Variants in RCAN1 observed in about 807,000 individuals in gnomAD.
RCAN1 encodes regulator of calcineurin 1.
A neutral mutation model predicts 22.9 loss-of-function variants in RCAN1; 11 were observed. The observed-to-expected ratio is 0.48, with a 90% CI of 0.30 to 0.79. The LOEUF (loss-of-function observed/expected upper bound fraction) is 0.79, where lower values mean the gene tolerates loss of function less well. RCAN1 is among the 30% of genes least tolerant of loss of function. The pLI is 0.06. For synonymous variants in RCAN1, 136 were observed against 142.3 expected (o/e 0.96, Z 0.32); for missense variants, 291 against 337.8 (o/e 0.86, Z 1.09).
In RCAN1 at chr21:34,614,823, G is replaced by T. The variant is rs1211426772; in HGVS notation, c.189C>A (p.Asp63Glu). ...GACAGGCGATGGTGGCGCTGGGCAG[G>T]TCCTGCAGGTCCACCTCCTCCATCT... ...DCEMEEVDLQ[D>E]LPSATIACHL... Residue 63 changes from aspartate (D) to glutamate (E), a missense_variant, in exon 1 of 4, where the codon GAC (aspartate) becomes GAA (glutamate). Transcript: ENST00000313806. The surrounding 1 kb of genome is among the most constrained non-coding windows in gnomAD (Gnocchi z 6.0). The T allele has an allele frequency of 2.7e-6, 4 of 1,491,070 alleles. No homozygotes were observed. In the South Asian group the frequency reaches 4.9e-5, roughly 18 times the overall value. 92.4% of individuals were successfully genotyped at this position (1,491,070 alleles called of 1,614,324 possible).
chr21:34,528,371 T>TAGGAAA (rs1985192184), intron 1 of RCAN1, among the ~76,000 whole-genome samples: 1 of 152,224 alleles, frequency 6.6e-6, no homozygotes, highest in Non-Finnish European at 1.5e-5. Context: ...AAGAAACCAG[T>TAGGAAA]TATGGTGTTT....
intron 1 of RCAN1, among the ~76,000 whole-genome samples, chr21:34,530,664 G>A (rs979132415): frequency 1.0e-3 from 114 of 109,458 alleles, no homozygotes; most frequent in African/African-American, 3.7e-3. Context: ...TGCTCTTGTC[G>A]CCCAGGCCGG....
chr21:34,521,054 A>C, intron 3 of RCAN1: 1 of 1,188,052 alleles, frequency 8.4e-7, no homozygotes, highest in Non-Finnish European at 1.0e-6. Context: ...TTTTCCTTTA[A>C]GAAGGCCAGG....
At chr21:34,577,145 C>A (rs1376594454) in intron 1 of RCAN1, among the ~76,000 whole-genome samples, 1 of 152,160 alleles carries the variant, frequency 6.6e-6, no homozygotes, top group Non-Finnish European at 1.5e-5. Context: ...CACTAATGAG[C>A]TGAGTGAGGG....
At chr21:34,530,685 C>A (rs986080462) in intron 1 of RCAN1, among the ~76,000 whole-genome samples, 71 of 131,532 alleles carry the variant, frequency 5.4e-4, no homozygotes, top group African/African-American at 1.8e-3. Context: ...AGTGCAATGG[C>A]GTGATCTTGG....
At chr21:34,552,500 C>T (rs1251289612) in intron 1 of RCAN1, among the ~76,000 whole-genome samples, 1 of 152,138 alleles carries the variant, frequency 6.6e-6, no homozygotes, top group Admixed American at 6.5e-5. Flanking sequence ...AAACGGCAAA[C>T]AGGGCAGAGA....
intron 1 of RCAN1, chr21:34,559,627 T>C (rs993600361): frequency 1.3e-5 from 2 of 152,172 alleles, no homozygotes; most frequent in African/African-American, 4.8e-5. Flanking sequence ...TTCCAGTTTA[T>C]TATGCAGGTT....
rs897989513 is a variant in RCAN1, at chr21:34,521,663, G to A, written c.427-5C>T. 6.9e-6 allele frequency: 11 copies of A among 1,605,110 alleles called. No individual in the cohort carries two copies. The highest frequency in any genetic ancestry group is 5.1e-6 in the Non-Finnish European group (6 of 1,175,660). On this transcript the variant is annotated splice_polypyrimidine_tract_variant and splice_region_variant and intron_variant, in intron 2 of 3. Coordinates refer to ENST00000313806, the MANE Select transcript of RCAN1 (RefSeq NM_004414.7). ...TGAGCTTCCTATGTGTAAGGTCTGA[G>A]GAGAGAAAATAAGCACAGGTCAGTT...
intron 1 of RCAN1, among the ~76,000 whole-genome samples, chr21:34,595,553 G>C (rs1242082983): frequency 1.3e-5 from 2 of 152,210 alleles, no homozygotes; most frequent in East Asian, 3.8e-4. Context: ...GAGCCCCGGA[G>C]CCCAGGCTCT....
At chr21:34,586,978 G>A (rs1308973211) in intron 1 of RCAN1, among the ~76,000 whole-genome samples, 1 of 151,552 alleles carries the variant, frequency 6.6e-6, no homozygotes, top group African/African-American at 2.4e-5. Flanking sequence ...AAAAGTAGAA[G>A]AAAAAAAGTG....
intron 3 of RCAN1, 155 bp downstream of exon 3, chr21:34,521,344 A>G (rs11700452): frequency 0.12 from 178,498 of 1,512,346 alleles, 11,491 homozygotes; most frequent in South Asian, 0.16. Context: ...TGCTCCCAGC[A>G]CAAGGGACGG....
In RCAN1 at chr21:34,530,616, G is replaced by GTTTTTTTTTT. The variant is rs59150851; in HGVS notation, c.253-6916_253-6907dup. On this transcript the variant is annotated intron_variant, in intron 1 of 3. Transcript: ENST00000313806. ...TTTTTGCTTCTAAGATAGTGAAATA[G>GTTTTTTTTTT]TTTTTTTTTTTTTTTTTTTTTTTTT... Among the ~76,000 whole-genome samples the GTTTTTTTTTT allele has an allele frequency of 5.6e-4, 37 of 66,202 alleles. 2 individuals are homozygous for GTTTTTTTTTT. Among genetic ancestry groups the GTTTTTTTTTT allele is most frequent in the East Asian group, 1.2e-3 (2 of 1,712 alleles). 43.4% of individuals were successfully genotyped at this position (66,202 alleles called of 152,430 possible). A position where few individuals can be genotyped will look rare whatever the true frequency, so the allele number is the denominator to read the frequency against.
chr21:34,602,994 T>C (rs1988402108), intron 1 of RCAN1, among the ~76,000 whole-genome samples: 1 of 152,104 alleles, frequency 6.6e-6, no homozygotes, highest in Non-Finnish European at 1.5e-5. Flanking sequence ...CAGCAGGGAA[T>C]AGGTCCACTC....
intron 1 of RCAN1, among the ~76,000 whole-genome samples, chr21:34,546,980 G>A (rs115088276): frequency 0.016 from 2,476 of 152,166 alleles, 67 homozygotes; most frequent in African/African-American, 0.057. Context: ...TAATACCTAC[G>A]TGAATAAATC....
chr21:34,604,454 C>A (rs1988461810), intron 1 of RCAN1, among the ~76,000 whole-genome samples: 1 of 152,088 alleles, frequency 6.6e-6, no homozygotes, highest in South Asian at 2.1e-4. Context: ...TTTAAATCAT[C>A]CCTGACACAG....
chr21:34,604,946 A>G (rs1156266561), intron 1 of RCAN1, among the ~76,000 whole-genome samples: 3 of 152,236 alleles, frequency 2.0e-5, no homozygotes, highest in African/African-American at 7.2e-5. Context: ...GTGTCCAGGC[A>G]CTGCCTTCCA....
rs544690460 is a variant in RCAN1 at position 34,518,720 on chromosome 21, A to T, written c.587-464T>A. On this transcript the variant is annotated intron_variant, in intron 3 of 3. Transcript: ENST00000313806. The surrounding 1 kb of genome is among the most constrained non-coding windows in gnomAD (Gnocchi z 4.2). ...GCAGTGCACGCCCAGGAAGGGCGCC[A>T]CAGGAGGCCCTGCAGCAGACGCAGG... Among the ~76,000 whole-genome samples, 28 of 152,332 alleles carry T rather than the reference A, an allele frequency of 1.8e-4. No individual in the cohort carries two copies. The highest frequency in any genetic ancestry group is 6.7e-4 in the African/African-American group (28 of 41,578).
intron 1 of RCAN1, among the ~76,000 whole-genome samples, chr21:34,592,731 A>G (rs139823394): frequency 1.3e-5 from 2 of 152,296 alleles, no homozygotes; most frequent in East Asian, 3.9e-4. Flanking sequence ...GTGTTTTCCG[A>G]TTCCAAGAAA....
intron 1 of RCAN1, among the ~76,000 whole-genome samples, chr21:34,578,544 C>T (rs749195051): frequency 4.6e-5 from 7 of 152,134 alleles, no homozygotes; most frequent in Non-Finnish European, 1.0e-4. Flanking sequence ...CAGATCAGAA[C>T]AGACAGACTA....
Sources: allele counts gnomAD v4.1 joint callset (sites outside exome capture counted in the v4.1 genomes callset), GRCh38; gene constraint gnomAD v4.1.1; non-coding constraint Gnocchi (gnomAD v3.1); transcripts MANE v1.5; gene names NCBI Gene and HGNC (gene_info 2026-07-23, HGNC 2026-07-21).